Variants in AHCYL1 observed in about 807,000 individuals in gnomAD.
AHCYL1 encodes adenosylhomocysteinase like 1, also known as S-adenosylhomocysteine hydrolase-like protein 1.
In AHCYL1, 20 loss-of-function variants were observed where a neutral mutation model predicts 79.3. The observed-to-expected ratio is 0.25, with a 90% CI of 0.18 to 0.37. The LOEUF (loss-of-function observed/expected upper bound fraction) is 0.37, where lower values mean the gene tolerates loss of function less well. AHCYL1 is among the 10% of genes least tolerant of loss of function. The pLI, the probability that AHCYL1 is intolerant of heterozygous loss-of-function variation, is 1.00. For missense variants in AHCYL1, 330 were observed against 673.6 expected (o/e 0.49, Z 5.65); for synonymous variants, 223 against 242.2 (o/e 0.92, Z 0.74).
chr1:110,015,580 T>G, intron 7 of AHCYL1, 49 bp downstream of exon 7: 1 of 1,442,856 alleles, frequency 6.9e-7, no homozygotes, highest in Non-Finnish European at 9.8e-7. Context: ...CTCAGCAAAC[T>G]CTCCTGGTCT....
chr1:109,995,948 G>C (rs1291581463), intron 1 of AHCYL1, among the ~76,000 whole-genome samples: 2 of 152,172 alleles, frequency 1.3e-5, no homozygotes, highest in South Asian at 2.1e-4. Flanking sequence ...GCCCAGGCAC[G>C]GTGGCTCACG....
chr1:109,991,571 T>C (rs139496504), intron 1 of AHCYL1, among the ~76,000 whole-genome samples: 42 of 152,320 alleles, frequency 2.8e-4, no homozygotes, highest in African/African-American at 9.4e-4. Context: ...CAGGCTTACT[T>C]CTTCACAATT....
chr1:110,004,022 TCCTTA>T, intron 1 of AHCYL1: 1 of 985,412 alleles, frequency 1.0e-6, no homozygotes, highest in Non-Finnish European at 1.2e-6. Flanking sequence ...AGCTGTGTGT[TCCTTA>T]CCTTTTAAGT....
chr1:110,011,273 A>C lies in AHCYL1; in HGVS notation c.292A>C (p.Asn98His), dbSNP rs1233357787. The change falls in exon 3 of 17, where the codon AAC becomes CAC. Residue 98 changes from asparagine (N) to histidine (H), a missense_variant. By Grantham distance (68) the Asn-to-His change is moderately conservative. Transcript: ENST00000369799. ...TTCTCCCCGAGAGAAGCAGCAAACCAACTCCAAGGGCAGCAGCAATTTCTG... is the reference window on the plus strand; with the variant it reads ...TTCTCCCCGAGAGAAGCAGCAAACCCACTCCAAGGGCAGCAGCAATTTCTG... ...EVSPREKQQT[N>H]SKGSSNFCVK... 1 of 1,614,168 alleles carries C rather than the reference A, an allele frequency of 6.2e-7. No homozygotes were observed. The highest frequency in any genetic ancestry group is 1.1e-5 in the South Asian group (1 of 91,084).
At chr1:109,993,309 C>G (rs922095993) in intron 1 of AHCYL1, among the ~76,000 whole-genome samples, 3 of 152,146 alleles carry the variant, frequency 2.0e-5, no homozygotes, top group Non-Finnish European at 2.9e-5. Flanking sequence ...CAATGTAGTA[C>G]TTCTCAAACT....
chr1:109,985,351 C>G, intron 1 of AHCYL1, 179 bp downstream of exon 1: 1 of 1,325,290 alleles, frequency 7.5e-7, no homozygotes, highest in Admixed American at 3.6e-5. Flanking sequence ...CCGCCTCTGA[C>G]CTCGCTTTCC....
At position 109,984,978 on chromosome 1, in the gene AHCYL1, CGGGCAGGCGGGCGGGCGCCAGAGG is replaced by C; in HGVS notation, c.-71_-48del. 2.2e-6 allele frequency: 3 copies of C among 1,370,444 alleles called. No homozygotes were observed. Among genetic ancestry groups the C allele is most frequent in the Non-Finnish European group, 2.8e-6 (3 of 1,064,082 alleles). The allele number at this position is 1,370,444 out of a possible 1,614,324, so 84.9% of individuals were successfully genotyped here. On this transcript the variant is annotated 5_prime_UTR_variant, in exon 1 of 17. Coordinates refer to ENST00000369799, the MANE Select transcript of AHCYL1 (RefSeq NM_006621.7). ...CGATCGCGTGTCGGAGGGCGCCGCG[CGGGCAGGCGGGCGGGCGCCAGAGG>C]GGGAAAGAGGCGGGGGCGGCGGGTC...
chr1:109,997,831 T>C (rs571868758), intron 1 of AHCYL1, among the ~76,000 whole-genome samples: 1 of 152,254 alleles, frequency 6.6e-6, no homozygotes, highest in African/African-American at 2.4e-5. Flanking sequence ...TAACCACAGG[T>C]CAAGACCTCT....
intron 1 of AHCYL1, among the ~76,000 whole-genome samples, chr1:110,005,437 A>G (rs910247294): frequency 6.6e-6 from 1 of 152,226 alleles, no homozygotes; most frequent in Non-Finnish European, 1.5e-5. Context: ...AGCCACTTAC[A>G]TTACTATACT....
In AHCYL1 at chr1:109,984,962, G is replaced by C. The variant is rs1649382097; in HGVS notation, c.-91G>C. On this transcript the variant is annotated 5_prime_UTR_variant, in exon 1 of 17. Transcript: ENST00000369799. ...CCGGCAGGAGGGTGGGCGATCGCGT[G>C]TCGGAGGGCGCCGCGCGGGCAGGCG... 5.9e-6 allele frequency: 8 copies of C among 1,359,284 alleles called. No individual in the cohort carries two copies. Among genetic ancestry groups the C allele is most frequent in the Non-Finnish European group, 7.6e-6 (8 of 1,058,482 alleles). 84.2% of individuals were successfully genotyped at this position (1,359,284 alleles called of 1,614,324 possible).
intron 5 of AHCYL1, 138 bp from the exon 6 acceptor site, chr1:110,014,624 CT>C: frequency 1.7e-6 from 1 of 585,788 alleles, no homozygotes; most frequent in Non-Finnish European, 3.0e-6. Context: ...AAAAGTGATT[CT>C]TTGACTTTTG....
chr1:109,995,604 C>T (rs1006262763), intron 1 of AHCYL1: 6 of 954,870 alleles, frequency 6.3e-6, no homozygotes, highest in Non-Finnish European at 7.5e-6. Flanking sequence ...GTTGCTTTAT[C>T]AAGAGCCTAG....
At chr1:110,008,543 A>G (rs12408603) in intron 1 of AHCYL1, among the ~76,000 whole-genome samples, 1 of 152,152 alleles carries the variant, frequency 6.6e-6, no homozygotes, top group Non-Finnish European at 1.5e-5. Flanking sequence ...AATGCCCATC[A>G]CCATTTCTAG....
At chr1:109,985,392 G>A in intron 1 of AHCYL1, 1 of 1,291,848 alleles carries the variant, frequency 7.7e-7, no homozygotes, top group Non-Finnish European at 9.8e-7. Context: ...CTCCGGGATC[G>A]TTTTGAAACC....
intron 1 of AHCYL1, among the ~76,000 whole-genome samples, chr1:109,986,500 A>G (rs1557756912): frequency 6.6e-6 from 1 of 152,206 alleles, no homozygotes; most frequent in African/African-American, 2.4e-5. Flanking sequence ...TTTAGTGCTG[A>G]GAGTTCAGTT....
chr1:110,019,307 T>C (rs1436404992), intron 14 of AHCYL1, among the ~76,000 whole-genome samples, 188 bp downstream of exon 14: 1 of 152,214 alleles, frequency 6.6e-6, no homozygotes, highest in Non-Finnish European at 1.5e-5. Flanking sequence ...ATTGGCTGTT[T>C]TAGTTGAGAA....
intron 7 of AHCYL1, 116 bp downstream of exon 7, chr1:110,015,647 A>C: frequency 1.5e-6 from 1 of 664,736 alleles, no homozygotes; most frequent in Non-Finnish European, 2.3e-6. Flanking sequence ...TATCTTCATT[A>C]GATAAAATTT....
chr1:110,003,947 T>A, intron 1 of AHCYL1: 1 of 985,408 alleles, frequency 1.0e-6, no homozygotes, highest in Non-Finnish European at 1.2e-6. Flanking sequence ...GTGAAGTGTT[T>A]AGTCTTACAG....
chr1:110,004,689 ATTGT>A (rs757346909), intron 1 of AHCYL1, among the ~76,000 whole-genome samples: 5 of 152,282 alleles, frequency 3.3e-5, no homozygotes, highest in East Asian at 1.9e-4. Context: ...AGGTGGGAAG[ATTGT>A]TTGAGCCCAG....
Sources: allele counts gnomAD v4.1 joint callset (sites outside exome capture counted in the v4.1 genomes callset), GRCh38; gene constraint gnomAD v4.1.1; transcripts MANE v1.5; gene names NCBI Gene and HGNC (gene_info 2026-07-23, HGNC 2026-07-21).